The following C12orf76 variants were observed in gnomAD, a reference collection of about 807,000 sequenced individuals.
C12orf76 encodes the protein chromosome 12 open reading frame 76.
A neutral mutation model predicts 6.8 loss-of-function variants in C12orf76; 6 were observed. That is an observed-to-expected ratio of 0.88 (90% CI 0.48 to 1.73). C12orf76 has a LOEUF of 1.73. Ranked by LOEUF, C12orf76 falls within the 40% of genes most tolerant of loss-of-function variation. The pLI is 0.01. For synonymous variants in C12orf76, 56 were observed against 43.7 expected (o/e 1.28, Z -1.11); for missense variants, 99 against 98.2 (o/e 1.01, Z -0.03).
upstream of C12orf76, among the ~76,000 whole-genome samples, chr12:110,068,253 G>GAAGAAGAAA (rs1555253374): frequency 0.011 from 476 of 43,170 alleles, 9 homozygotes; most frequent in African/African-American, 0.029. Flanking sequence ...GAAGAAAGAA[G>GAAGAAGAAA]AAGAAGAAGA....
At chr12:110,052,126 G>T (rs1464339022), upstream of C12orf76, among the ~76,000 whole-genome samples, 1 of 149,708 alleles carries the variant, frequency 6.7e-6, no homozygotes, top group Admixed American at 6.7e-5. Flanking sequence ...TCGATCTCCT[G>T]ACCTCATGAT....
chr12:110,059,630 C>T (rs1892735827), intron 2 of C12orf76, among the ~76,000 whole-genome samples: 1 of 152,206 alleles, frequency 6.6e-6, no homozygotes, highest in Non-Finnish European at 1.5e-5. Context: ...TTTCCTAAAT[C>T]ATAAATGCTT....
chr12:110,059,308 C>T, intron 2 of C12orf76: 1 of 1,029,064 alleles, frequency 9.7e-7, no homozygotes, highest in Non-Finnish European at 1.4e-6. Context: ...ATTGTGCCAT[C>T]TGTGATTAAA....
chr12:110,064,194 T>G (rs1255877411), intron 2 of C12orf76, among the ~76,000 whole-genome samples: 1 of 152,182 alleles, frequency 6.6e-6, no homozygotes, highest in African/African-American at 2.4e-5. Context: ...AATACTTCCC[T>G]CTATTCCTGA....
At chr12:110,059,235 AT>A (rs1333671961) in intron 2 of C12orf76, 1 of 1,461,554 alleles carries the variant, frequency 6.8e-7, no homozygotes, top group Non-Finnish European at 9.2e-7. Context: ...ACTTTACTGA[AT>A]TGGTTAATTA....
chr12:110,042,866 T>C (rs896021735), intron 1 of C12orf76, among the ~76,000 whole-genome samples: 5 of 151,930 alleles, frequency 3.3e-5, no homozygotes, highest in African/African-American at 1.2e-4. Context: ...GAGACTAGCC[T>C]GGCCAACATG....
chr12:110,072,935 C>T (rs1344421413), intron 1 of C12orf76, among the ~76,000 whole-genome samples: 28 of 140,396 alleles, frequency 2.0e-4, no homozygotes, highest in Non-Finnish European at 3.5e-4. Context: ...GGTACAAGAG[C>T]GAGACTTCAT....
intron 1 of C12orf76, among the ~76,000 whole-genome samples, chr12:110,045,272 C>T (rs1016150457): frequency 1.3e-5 from 2 of 152,140 alleles, no homozygotes; most frequent in African/African-American, 4.8e-5. Flanking sequence ...TCTTGCATCT[C>T]GCATTTTGGA....
chr12:110,042,405 A>G lies in C12orf76; in HGVS notation c.188T>C (p.Phe63Ser), dbSNP rs765396544. ...ILLVTVILMAFCVYKPIRRR is the reference protein window; with the variant it reads ...ILLVTVILMASCVYKPIRRR ...ACGCCGAATGGGCTTGTAGACACAA[A>G]ATGCCATAAGGATGACAGTCACCAG... Residue 63 changes from phenylalanine to serine, a missense_variant, in exon 2 of 2, where the codon TTT (phenylalanine) becomes TCT (serine). Phe to Ser is a radical substitution (Grantham distance 155). Transcript: ENST00000615315. The G allele has an allele frequency of 6.2e-7, 1 of 1,614,198 alleles. No homozygotes were observed. The highest frequency in any genetic ancestry group is 8.5e-7 in the Non-Finnish European group (1 of 1,180,016).
At chr12:110,067,456 C>T in intron 1 of C12orf76, 1 of 985,414 alleles carries the variant, frequency 1.0e-6, no homozygotes, top group African/African-American at 1.7e-5. Flanking sequence ...TTTGGGAAGA[C>T]CTTGTAACAG....
In C12orf76 at chr12:110,041,825, T is replaced by C. The variant is rs1047460196; in HGVS notation, c.*549A>G. 6.4e-6 allele frequency: 1 copy of C among 156,732 alleles called. No homozygotes were observed. Among genetic ancestry groups the C allele is most frequent in the Admixed American group, 6.1e-5 (1 of 16,342 alleles). 9.7% of individuals were successfully genotyped at this position (156,732 alleles called of 1,614,324 possible). A position where few individuals can be genotyped will look rare whatever the true frequency, so the allele number is the denominator to read the frequency against. ...CCTGACTTCAGGGGGAGCACCTGAG[T>C]GCAGGGCAGGATGCAGGTGAGGAAC... On this transcript the variant is annotated 3_prime_UTR_variant, in exon 2 of 2. Transcript: ENST00000615315.
In C12orf76 at chr12:110,041,482, G is replaced by GC. The variant is rs1437656368; in HGVS notation, c.*891dup. ...AGTTCACCAACAGTGGAAACTAATAGCAGCATTTTCAAAGCTGAGATGAAA... is the reference window on the plus strand; with the variant it reads ...AGTTCACCAACAGTGGAAACTAATAGCCAGCATTTTCAAAGCTGAGATGAAA... On this transcript the variant is annotated 3_prime_UTR_variant, in exon 2 of 2. Transcript: ENST00000615315. 6.6e-6 allele frequency: 1 copy of GC among 152,498 alleles called. No individual in the cohort carries two copies. The highest frequency in any genetic ancestry group is 1.5e-5 in the Non-Finnish European group (1 of 68,046). The allele number at this position is 152,498 out of a possible 1,614,324, so 9.4% of individuals were successfully genotyped here.
chr12:110,047,191 G>A (rs1892472546), intron 1 of C12orf76, among the ~76,000 whole-genome samples: 1 of 152,120 alleles, frequency 6.6e-6, no homozygotes, highest in Non-Finnish European at 1.5e-5. Flanking sequence ...AGTTTGCCAA[G>A]CTTTAAGTTC....
chr12:110,066,037 G>C, intron 1 of C12orf76: 1 of 1,565,170 alleles, frequency 6.4e-7, no homozygotes, highest in South Asian at 1.2e-5. Flanking sequence ...ACATCACCTA[G>C]GTGTCAAGGG....
At chr12:110,068,247 A>AAAGAAGAAGAGG (rs1555253363), upstream of C12orf76, among the ~76,000 whole-genome samples, 77 of 63,826 alleles carry the variant, frequency 1.2e-3, no homozygotes, top group Admixed American at 2.1e-3. Flanking sequence ...GAAGAAGAAG[A>AAAGAAGAAGAGG]AAGAAGAAGA....
upstream of C12orf76, chr12:110,050,826 C>T (rs1209688407): frequency 1.7e-6 from 1 of 589,100 alleles, no homozygotes; most frequent in African/African-American, 2.3e-5. Flanking sequence ...TGTGGACTTG[C>T]CCTAATTCTT....
exon 3 of C12orf76, chr12:110,059,160 C>A (rs1369611082): frequency 6.5e-7 from 1 of 1,540,650 alleles, no homozygotes; most frequent in African/African-American, 1.4e-5. Context: ...TCAAATGTTC[C>A]TTGCTGGTGT....
At chr12:110,072,006 G>A (rs945339972), upstream of C12orf76, among the ~76,000 whole-genome samples, 8 of 152,064 alleles carry the variant, frequency 5.3e-5, no homozygotes, top group South Asian at 4.1e-4. Context: ...AACCTTGTTC[G>A]CAATGTTTAT....
At chr12:110,072,980 G>GA (rs1212780383) in intron 1 of C12orf76, among the ~76,000 whole-genome samples, 1 of 151,564 alleles carries the variant, frequency 6.6e-6, no homozygotes, top group Non-Finnish European at 1.5e-5. Context: ...AAAAGAAAAA[G>GA]AAAAAAACAA....
Sources: allele counts gnomAD v4.1 joint callset (sites outside exome capture counted in the v4.1 genomes callset), GRCh38; gene constraint gnomAD v4.1.1; transcripts MANE v1.5; gene names NCBI Gene and HGNC (gene_info 2026-07-23, HGNC 2026-07-21).